BLTP1: variants seen among roughly 807,000 people sequenced by gnomAD.
BLTP1 encodes bridge-like lipid transfer protein family member 1, also known as fragile site-associated protein.
chr4:122,314,144 AAGGAC>A, the BLTP1 span: 1 of 984,980 alleles, frequency 1.0e-6, no homozygotes, highest in African/African-American at 1.7e-5. Flanking sequence ...CAAGCACTCA[AAGGAC>A]AGGATAAATC....
chr4:122,288,215 T>C, the BLTP1 span, among the ~76,000 whole-genome samples: 1 of 152,132 alleles, frequency 6.6e-6, no homozygotes, highest in African/African-American at 2.4e-5. Flanking sequence ...ACACAAATTA[T>C]AGGACACAAA....
the BLTP1 span, among the ~76,000 whole-genome samples, chr4:122,173,825 AG>A: frequency 6.6e-6 from 1 of 152,174 alleles, no homozygotes; most frequent in Non-Finnish European, 1.5e-5. Context: ...GCTCATTAAA[AG>A]AGTTTGAAAA....
chr4:122,308,071 C>T, the BLTP1 span: 1 of 1,613,460 alleles, frequency 6.2e-7, no homozygotes. Context: ...TGGTATCCAG[C>T]AAACATCAGC....
the BLTP1 span, chr4:122,190,308 C>T: frequency 8.3e-6 from 5 of 600,368 alleles, no homozygotes; most frequent in Non-Finnish European, 1.0e-5. Context: ...ATTGCCCAGG[C>T]TGATCTCAAA....
At chr4:122,189,565 T>C in the BLTP1 span, 2 of 769,410 alleles carry the variant, frequency 2.6e-6, no homozygotes, top group East Asian at 2.6e-4. Flanking sequence ...ACTTATTAGT[T>C]ATTAATATTA....
At chr4:122,275,010 TC>T in the BLTP1 span, among the ~76,000 whole-genome samples, 6 of 152,072 alleles carry the variant, frequency 3.9e-5, no homozygotes, top group Admixed American at 6.6e-5. Flanking sequence ...TCTCAAGACT[TC>T]CTGGAGACTG....
chr4:122,349,087 T>C, the BLTP1 span: 1 of 1,289,634 alleles, frequency 7.8e-7, no homozygotes, highest in South Asian at 1.8e-5. This position sits in a 1 kb window ranked among gnomAD's most constrained non-coding sequence, Gnocchi z 4.5. Flanking sequence ...TAACTCCTTT[T>C]TAATTTAAAT....
the BLTP1 span, chr4:122,237,140 A>G: frequency 1.0e-6 from 1 of 984,544 alleles, no homozygotes; most frequent in East Asian, 1.1e-4. Context: ...CTTGAATGCC[A>G]CTAGAACTGC....
At chr4:122,355,815 T>C in the BLTP1 span, 125 of 1,601,736 alleles carry the variant, frequency 7.8e-5, no homozygotes, top group Admixed American at 2.1e-3. Flanking sequence ...TGCTTCGTAA[T>C]GTTGATGCTA....
At chr4:122,194,198 A>G in the BLTP1 span, among the ~76,000 whole-genome samples, 1 of 152,190 alleles carries the variant, frequency 6.6e-6, no homozygotes. Context: ...GTTGAGGTAT[A>G]ATATACCGAA....
the BLTP1 span, among the ~76,000 whole-genome samples, chr4:122,350,722 A>T: frequency 2.1e-4 from 32 of 152,190 alleles, no homozygotes; most frequent in African/African-American, 7.2e-4. Context: ...TTTAGTGGAA[A>T]TGTGAATGAA....
the BLTP1 span, chr4:122,239,988 A>AGT: frequency 1.2e-6 from 2 of 1,614,192 alleles, no homozygotes; most frequent in Non-Finnish European, 1.7e-6. Flanking sequence ...CATATATCAC[A>AGT]GTGTAGAAGG....
At chr4:122,180,781 A>G in the BLTP1 span, among the ~76,000 whole-genome samples, 1 of 152,250 alleles carries the variant, frequency 6.6e-6, no homozygotes, top group Admixed American at 6.5e-5. Context: ...TCTGAGAATC[A>G]ATACAAAGAC....
the BLTP1 span, chr4:122,351,236 G>A: frequency 1.4e-4 from 123 of 880,830 alleles, no homozygotes; most frequent in Non-Finnish European, 1.6e-4. Context: ...GAAGTAATAC[G>A]TATACATTGA....
At chr4:122,311,618 T>A in the BLTP1 span, among the ~76,000 whole-genome samples, 1 of 152,148 alleles carries the variant, frequency 6.6e-6, no homozygotes, top group African/African-American at 2.4e-5. Context: ...CCCAGTAAAA[T>A]TTCTTCTCTA....
chr4:122,215,754 T>C, the BLTP1 span, among the ~76,000 whole-genome samples: 1 of 152,156 alleles, frequency 6.6e-6, no homozygotes, highest in East Asian at 1.9e-4. Flanking sequence ...ATAAGTTCTT[T>C]AGTGGTGATT....
the BLTP1 span, among the ~76,000 whole-genome samples, chr4:122,241,990 G>T: frequency 1.3e-5 from 2 of 152,168 alleles, no homozygotes; most frequent in African/African-American, 4.8e-5. Context: ...TATTGGTGAG[G>T]ATGTAGAGAA....
At chr4:122,190,388 T>G in the BLTP1 span, 4 of 974,786 alleles carry the variant, frequency 4.1e-6, no homozygotes, top group Non-Finnish European at 4.9e-6. Context: ...GAGCCCATGG[T>G]GCCTGGCCTG....
At chr4:122,241,366 T>C in the BLTP1 span, among the ~76,000 whole-genome samples, 1 of 152,202 alleles carries the variant, frequency 6.6e-6, no homozygotes, top group African/African-American at 2.4e-5. Flanking sequence ...TTATAGACCA[T>C]GGCATCAGGA....
Sources: allele counts gnomAD v4.1 joint callset (sites outside exome capture counted in the v4.1 genomes callset), GRCh38; gene constraint gnomAD v4.1.1; non-coding constraint Gnocchi (gnomAD v3.1); transcripts MANE v1.5; gene names NCBI Gene and HGNC (gene_info 2026-07-23, HGNC 2026-07-21).